EEPD1: variants seen among roughly 807,000 people sequenced by gnomAD.
The protein encoded by EEPD1 is endonuclease/exonuclease/phosphatase family domain-containing protein 1.
In EEPD1, 17 loss-of-function variants were observed where a neutral mutation model predicts 46.3. That is an observed-to-expected ratio of 0.37 (90% CI 0.25 to 0.55). The LOEUF (loss-of-function observed/expected upper bound fraction) is 0.55, where lower values mean the gene tolerates loss of function less well. Among genes scored for constraint, EEPD1 ranks in the 20% least tolerant of loss-of-function variants. The pLI is 0.83. For synonymous variants in EEPD1, 313 were observed against 315.6 expected (o/e 0.99, Z 0.09); for missense variants, 673 against 745.6 (o/e 0.90, Z 1.13).
chr7:36,200,965 C>T (rs540795468), intron 2 of EEPD1, among the ~76,000 whole-genome samples: 2 of 152,284 alleles, frequency 1.3e-5, no homozygotes, highest in East Asian at 3.9e-4. Flanking sequence ...ACCAGATGAC[C>T]TGAGTTAACA....
chr7:36,301,129 A>T lies in EEPD1; in HGVS notation c.*1923A>T, dbSNP rs1185719892. On this transcript the variant is annotated 3_prime_UTR_variant, in exon 8 of 8. Transcript: ENST00000242108. ...CTGAGGGGACAGGAAATCCAATCAG[A>T]TGACCTTTGTGTTCGTAATCGGGCT... is the stretch of plus-strand genomic sequence containing the variant. 6.6e-6 allele frequency: 1 copy of T among 152,206 alleles called. No homozygotes were observed. Among genetic ancestry groups the T allele is most frequent in the African/African-American group, 2.4e-5 (1 of 41,442 alleles). The allele number at this position is 152,206 out of a possible 1,614,324, so 9.4% of individuals were successfully genotyped here. A position where few individuals can be genotyped will look rare whatever the true frequency, so the allele number is the denominator to read the frequency against.
chr7:36,249,943 G>T (rs1368234479), intron 3 of EEPD1, among the ~76,000 whole-genome samples: 2 of 152,208 alleles, frequency 1.3e-5, no homozygotes, highest in Non-Finnish European at 2.9e-5. Context: ...TTAAGGCCAG[G>T]CACAGTGGCT....
At chr7:36,199,239 A>T (rs935821366) in intron 2 of EEPD1, among the ~76,000 whole-genome samples, 2 of 152,124 alleles carry the variant, frequency 1.3e-5, no homozygotes, top group Non-Finnish European at 2.9e-5. Context: ...CCTCACAAGC[A>T]GTTTCTCCTT....
At chr7:36,177,871 G>T (rs951522128) in intron 2 of EEPD1, among the ~76,000 whole-genome samples, 9 of 152,146 alleles carry the variant, frequency 5.9e-5, no homozygotes, top group African/African-American at 2.2e-4. Context: ...GCACCTCCAT[G>T]CCCGGCTATG....
At chr7:36,210,923 T>C (rs59157829) in intron 2 of EEPD1, among the ~76,000 whole-genome samples, 6,032 of 152,318 alleles carry the variant, frequency 0.04, 401 homozygotes, top group African/African-American at 0.14. Context: ...GCATAGGCTC[T>C]GACCTGAGCT....
chr7:36,222,067 A>C (rs973787374), intron 2 of EEPD1, among the ~76,000 whole-genome samples: 1 of 151,748 alleles, frequency 6.6e-6, no homozygotes, highest in African/African-American at 2.4e-5. Context: ...CTTGAACAAC[A>C]TGGGGGTTAG....
chr7:36,258,609 C>T (rs192232998), intron 3 of EEPD1, among the ~76,000 whole-genome samples: 3 of 152,106 alleles, frequency 2.0e-5, no homozygotes, highest in Non-Finnish European at 2.9e-5. Context: ...AACTTCCAGG[C>T]GGCTTTGTTT....
chr7:36,240,361 G>A (rs1027721766), intron 3 of EEPD1, among the ~76,000 whole-genome samples: 3 of 152,172 alleles, frequency 2.0e-5, no homozygotes, highest in Non-Finnish European at 2.9e-5. Flanking sequence ...AGTGGTGTGA[G>A]GGAAGAATGA....
Position 36,300,445 on chromosome 7 carries a change from C to G in EEPD1, c.*1239C>G, listed in dbSNP as rs538100796. Reference sequence around the variant, plus strand: ...CACTGGGTAAATAGAGGGATGCAGACTCAGGTTTTGCTATGTGCTCACATT... The same window carrying G: ...CACTGGGTAAATAGAGGGATGCAGAGTCAGGTTTTGCTATGTGCTCACATT... On this transcript the variant is annotated 3_prime_UTR_variant, in exon 8 of 8. Coordinates refer to ENST00000242108, the MANE Select transcript of EEPD1 (RefSeq NM_030636.3). The G allele has an allele frequency of 6.6e-6, 1 of 152,378 alleles. No homozygotes were observed. The highest frequency in any genetic ancestry group is 1.9e-4 in the East Asian group (1 of 5,188). 9.4% of individuals were successfully genotyped at this position (152,378 alleles called of 1,614,324 possible).
At chr7:36,284,551 G>A (rs1787311752) in intron 4 of EEPD1, 135 bp from the exon 5 acceptor site, 23 of 1,091,596 alleles carry the variant, frequency 2.1e-5, no homozygotes, top group South Asian at 1.9e-4. Context: ...GGCTTTCGTG[G>A]TGTGCTTTTG....
intron 3 of EEPD1, among the ~76,000 whole-genome samples, chr7:36,263,763 G>A (rs1786968554): frequency 6.6e-6 from 1 of 152,182 alleles, no homozygotes; most frequent in African/African-American, 2.4e-5. Flanking sequence ...ACCTCTAGCA[G>A]GTAAGTTCTG....
intron 2 of EEPD1, among the ~76,000 whole-genome samples, chr7:36,216,507 C>A (rs931121267): frequency 6.6e-6 from 1 of 152,178 alleles, no homozygotes; most frequent in African/African-American, 2.4e-5. Context: ...TGTAAATCTG[C>A]AAAGCAATTT....
intron 2 of EEPD1, among the ~76,000 whole-genome samples, chr7:36,200,914 C>T (rs1785701454): frequency 6.6e-6 from 1 of 152,184 alleles, no homozygotes; most frequent in Non-Finnish European, 1.5e-5. Context: ...AAGGGGCAAA[C>T]AGCAACTTTC....
rs189454356 is a variant in EEPD1 at position 36,215,015 on chromosome 7, G to C, written c.879-23970G>C. On this transcript the variant is annotated intron_variant, in intron 2 of 7. Transcript: ENST00000242108. ...TTCTGAGCCAGTGAGGAGCTCCTGG[G>C]CCCCCCTGAATTTGGTATTTTAAAT... Among the ~76,000 whole-genome samples, 1,209 of 152,256 alleles carry C rather than the reference G, an allele frequency of 7.9e-3. 5 individuals are homozygous for C. The highest frequency in any genetic ancestry group is 0.014 in the Middle Eastern group (4 of 294).
intron 3 of EEPD1, among the ~76,000 whole-genome samples, chr7:36,250,944 G>A (rs1382469421): frequency 6.6e-6 from 1 of 152,164 alleles, no homozygotes; most frequent in Non-Finnish European, 1.5e-5. Context: ...AGCCTAGTGA[G>A]GAAATGAATC....
chr7:36,270,627 G>A (rs1461965999), intron 3 of EEPD1, among the ~76,000 whole-genome samples: 2 of 152,174 alleles, frequency 1.3e-5, no homozygotes, highest in Non-Finnish European at 2.9e-5. Context: ...CCCTGCAAAG[G>A]ACATGAACTC....
intron 5 of EEPD1, among the ~76,000 whole-genome samples, chr7:36,286,699 C>T (rs144392735): frequency 6.5e-4 from 99 of 152,274 alleles, no homozygotes; most frequent in African/African-American, 2.2e-3. Flanking sequence ...GAGAAAAGAA[C>T]ACAGAGGAGC....
chr7:36,157,088 C>T (rs1784836818), intron 2 of EEPD1, among the ~76,000 whole-genome samples: 1 of 152,110 alleles, frequency 6.6e-6, no homozygotes. Context: ...ATTAGGCATT[C>T]TAAGTAATCT....
intron 3 of EEPD1, among the ~76,000 whole-genome samples, chr7:36,249,232 T>G (rs1786692891): frequency 6.6e-6 from 1 of 152,146 alleles, no homozygotes; most frequent in African/African-American, 2.4e-5. Context: ...CATTTTAAAT[T>G]TATTGCATTA....
Sources: gnomAD v4.1 joint callset for allele counts (sites outside exome capture counted in the v4.1 genomes callset) on GRCh38, gnomAD v4.1.1 for gene constraint, MANE v1.5 for transcripts, NCBI Gene and HGNC (gene_info 2026-07-23, HGNC 2026-07-21) for gene names.